PCDHGB3: variants seen among roughly 807,000 people sequenced by gnomAD.
PCDHGB3 encodes the protein protocadherin gamma-B3.
Under a neutral mutation model 59.2 loss-of-function variants are expected in PCDHGB3, and 40 were observed. The ratio of observed to expected loss-of-function variants is 0.68; its 90% CI spans 0.52 to 0.88. PCDHGB3 has a LOEUF of 0.88. PCDHGB3 is among the 40% of genes least tolerant of loss of function. The pLI is 0.00. For synonymous variants in PCDHGB3, 581 were observed against 503.6 expected, an observed-to-expected ratio of 1.15 and a Z score of -2.06; for missense variants, 1,309 against 1,187.9, an observed-to-expected ratio of 1.10 and a Z score of -1.50.
Position 141,491,166 on chromosome 5 carries a change from G to A in PCDHGB3, c.2416-3641G>A. 1 of 1,614,150 alleles carries A rather than the reference G, an allele frequency of 6.2e-7. No individual in the cohort carries two copies. The highest frequency in any genetic ancestry group is 8.5e-7 in the Non-Finnish European group (1 of 1,179,964). ...TACTGGAGGATGACTCTGACACCCA[G>A]CAGGTGGTGGTCCTGGTGAGGGACA... On this transcript the variant is annotated intron_variant, in intron 1 of 3. Transcript: ENST00000576222. The surrounding 1 kb of genome is among the most constrained non-coding windows in gnomAD (Gnocchi z 6.9).
Position 141,476,538 on chromosome 5 carries a change from A to G in PCDHGB3, c.2416-18269A>G, listed in dbSNP as rs2099393283. ...CCTGCTTTCCCTACCCAGGAAATGAAATTGGAGATTAGCGAGGCCGTGGCT... is the reference window on the plus strand; with the variant it reads ...CCTGCTTTCCCTACCCAGGAAATGAGATTGGAGATTAGCGAGGCCGTGGCT... On this transcript the variant is annotated intron_variant, in intron 1 of 3. Coordinates refer to ENST00000576222, the MANE Select transcript of PCDHGB3 (RefSeq NM_018924.5). The surrounding 1 kb of genome is among the most constrained non-coding windows in gnomAD (Gnocchi z 7.6). 1.2e-6 allele frequency: 2 copies of G among 1,614,162 alleles called. No homozygotes were observed. Among genetic ancestry groups the G allele is most frequent in the Non-Finnish European group, 1.7e-6 (2 of 1,180,042 alleles).
At chr5:141,419,159 T>G in intron 1 of PCDHGB3, 1 of 1,613,916 alleles carries the variant, frequency 6.2e-7, no homozygotes, top group Non-Finnish European at 8.5e-7. Flanking sequence ...TCCGTTATCC[T>G]CCAGCAAAAC....
rs1472806327 is a variant in PCDHGB3 at position 141,447,891 on chromosome 5, G to C, written c.2416-46916G>C. Among the ~76,000 whole-genome samples the C allele has an allele frequency of 1.3e-5, 2 of 152,080 alleles. 1 individual carries two copies. Among genetic ancestry groups the C allele is most frequent in the African/African-American group, 4.8e-5 (2 of 41,408 alleles). On this transcript the variant is annotated intron_variant, in intron 1 of 3. Coordinates refer to ENST00000576222, the MANE Select transcript of PCDHGB3 (RefSeq NM_018924.5). Reference sequence around the variant, plus strand: ...ATCTGAGGTCAGGAGTTCGAGACCAGCCTGGCCAACATGGTGAAACTCTGT... The same window carrying C: ...ATCTGAGGTCAGGAGTTCGAGACCACCCTGGCCAACATGGTGAAACTCTGT...
chr5:141,492,616 G>A (rs976681246), intron 1 of PCDHGB3, among the ~76,000 whole-genome samples: 1 of 152,252 alleles, frequency 6.6e-6, no homozygotes. Flanking sequence ...CTAAGTGCCG[G>A]GCGGGCAGGA....
chr5:141,434,277 A>G (rs760937958), intron 1 of PCDHGB3, among the ~76,000 whole-genome samples: 4 of 152,172 alleles, frequency 2.6e-5, no homozygotes, highest in Non-Finnish European at 4.4e-5. Flanking sequence ...AATTAGAGGT[A>G]TTCTCTGTTT....
chr5:141,392,892 G>C, intron 1 of PCDHGB3: 1 of 1,613,702 alleles, frequency 6.2e-7, no homozygotes, highest in East Asian at 2.2e-5. Flanking sequence ...GTGGGAAATC[G>C]GGAGGGGACA....
chr5:141,429,592 T>C (rs2097226711), intron 1 of PCDHGB3, among the ~76,000 whole-genome samples: 1 of 152,234 alleles, frequency 6.6e-6, no homozygotes, highest in Non-Finnish European at 1.5e-5. Flanking sequence ...ATTCTTGTAA[T>C]TCAAGTAAAC....
rs145718404 is a variant in PCDHGB3 at position 141,404,928 on chromosome 5, C to T, written c.2415+32119C>T. On this transcript the variant is annotated intron_variant, in intron 1 of 3. Transcript: ENST00000576222. ...CAGCCCCCTCTCTCGGCCACTGTCA[C>T]GCTCACAGTAGCCATAGCTGACAGC... The T allele has an allele frequency of 1.6e-4, 263 of 1,613,866 alleles. 1 individual carries two copies. In the African/African-American group the frequency reaches 2.2e-3, roughly 13 times the overall value.
At position 141,389,700 on chromosome 5, in the gene PCDHGB3, G is replaced by A. The variant is rs534784537; in HGVS notation, c.2415+16891G>A. On this transcript the variant is annotated intron_variant, in intron 1 of 3. Coordinates refer to ENST00000576222, the MANE Select transcript of PCDHGB3 (RefSeq NM_018924.5). ...ACACAACGCCTGGCTGTCCTACCAC[G>A]TGCTGCAGGCTAGCGAGCCCGGGCT... 11 of 1,612,578 alleles carry A rather than the reference G, an allele frequency of 6.8e-6. No homozygotes were observed. The South Asian group carries it at 1.1e-4, about 16-fold the overall frequency.
chr5:141,429,573 T>G (rs1026656206), intron 1 of PCDHGB3, among the ~76,000 whole-genome samples: 3 of 152,206 alleles, frequency 2.0e-5, no homozygotes, highest in Non-Finnish European at 4.4e-5. Context: ...TCAGTTACAT[T>G]TACTTTTGAT....
rs143317584 is a variant in PCDHGB3 at position 141,432,282 on chromosome 5, A to G, written c.2415+59473A>G. 5.0e-5 allele frequency: 81 copies of G among 1,613,850 alleles called. No homozygotes were observed. The African/African-American group carries it at 6.4e-4, about 13-fold the overall frequency. ...AGCCTATCGTCCTACGTGTCCATCAACTCCGACACTGGGGTACTGTATGCG... is the reference window on the plus strand; with the variant it reads ...AGCCTATCGTCCTACGTGTCCATCAGCTCCGACACTGGGGTACTGTATGCG... On this transcript the variant is annotated intron_variant, in intron 1 of 3. Transcript: ENST00000576222. This position sits in a 1 kb window ranked among gnomAD's most constrained non-coding sequence, Gnocchi z 6.0.
chr5:141,482,135 G>T (rs987110875), intron 1 of PCDHGB3, among the ~76,000 whole-genome samples: 1 of 151,836 alleles, frequency 6.6e-6, no homozygotes, highest in African/African-American at 2.4e-5. Context: ...CATATGGCTG[G>T]CATAAAAAGG....
At position 141,476,901 on chromosome 5, in the gene PCDHGB3, G is replaced by C; in HGVS notation, c.2416-17906G>C. On this transcript the variant is annotated intron_variant, in intron 1 of 3. Coordinates refer to ENST00000576222, the MANE Select transcript of PCDHGB3 (RefSeq NM_018924.5). The surrounding 1 kb of genome is among the most constrained non-coding windows in gnomAD (Gnocchi z 7.6). ...CTGGAGGATGCACCCTCCGGCACGC[G>C]CGTGGTACAAGTCCTTGCAACGGAT... The C allele has an allele frequency of 1.2e-6, 2 of 1,613,900 alleles. No homozygotes were observed. Among genetic ancestry groups the C allele is most frequent in the Non-Finnish European group, 1.7e-6 (2 of 1,180,034 alleles).
In PCDHGB3 at chr5:141,489,327, G is replaced by A; in HGVS notation, c.2416-5480G>A. The A allele has an allele frequency of 6.2e-7, 1 of 1,603,940 alleles. No individual in the cohort carries two copies. Among genetic ancestry groups the A allele is most frequent in the South Asian group, 1.1e-5 (1 of 89,400 alleles). ...TGTGCTGCTGGGGCTGGGTGTCTGG[G>A]CAGCTTCGTTACTCAGTGGTGGAGG... is the stretch of plus-strand genomic sequence containing the variant. On this transcript the variant is annotated intron_variant, in intron 1 of 3. Transcript: ENST00000576222. This position sits in a 1 kb window ranked among gnomAD's most constrained non-coding sequence, Gnocchi z 4.5.
chr5:141,480,457 G>GT (rs1309116577), intron 1 of PCDHGB3, among the ~76,000 whole-genome samples: 4 of 152,060 alleles, frequency 2.6e-5, no homozygotes, highest in Non-Finnish European at 5.9e-5. Flanking sequence ...ATTTTTATTA[G>GT]TTCCTCACTC....
chr5:141,452,010 G>A (rs955708033), intron 1 of PCDHGB3, among the ~76,000 whole-genome samples: 1 of 152,192 alleles, frequency 6.6e-6, no homozygotes, highest in African/African-American at 2.4e-5. Context: ...ACTTGGTCCA[G>A]CCCACACTCT....
chr5:141,370,997 C>A lies in PCDHGB3; in HGVS notation c.603C>A (p.Asp201Glu), dbSNP rs1449241372. ...YPELVLKAPL[D>E]REEQPHHHLV... ...AGCTAGTACTGAAAGCACCCCTGGACAGGGAAGAGCAGCCACATCACCACC... is the reference window on the plus strand; with the variant it reads ...AGCTAGTACTGAAAGCACCCCTGGAAAGGGAAGAGCAGCCACATCACCACC... Residue 201 changes from aspartate (D) to glutamate (E), a missense_variant, in exon 1 of 4, where the codon GAC becomes GAA. Transcript: ENST00000576222. 1 of 1,613,866 alleles carries A rather than the reference C, an allele frequency of 6.2e-7. No individual in the cohort carries two copies. The highest frequency in any genetic ancestry group is 8.5e-7 in the Non-Finnish European group (1 of 1,179,908).
chr5:141,422,447 C>G, intron 1 of PCDHGB3: 2 of 1,610,922 alleles, frequency 1.2e-6, no homozygotes, highest in Non-Finnish European at 1.7e-6. Flanking sequence ...AAATTGATAA[C>G]AAGCAGAGTG....
chr5:141,422,996 C>G lies in PCDHGB3; in HGVS notation c.2415+50187C>G. 1.2e-6 allele frequency: 2 copies of G among 1,614,224 alleles called. No homozygotes were observed. The highest frequency in any genetic ancestry group is 1.7e-6 in the Non-Finnish European group (2 of 1,180,046). On this transcript the variant is annotated intron_variant, in intron 1 of 3. Coordinates refer to ENST00000576222, the MANE Select transcript of PCDHGB3 (RefSeq NM_018924.5). ...TCTGCGGAACCTGGCTACCTGGTGA[C>G]CAAGGTGGTTGCGGTGGACAAAGAT...
Sources: gnomAD v4.1 joint callset for allele counts (sites outside exome capture counted in the v4.1 genomes callset) on GRCh38, gnomAD v4.1.1 for gene constraint, Gnocchi (gnomAD v3.1) non-coding constraint, MANE v1.5 for transcripts, NCBI Gene and HGNC (gene_info 2026-07-23, HGNC 2026-07-21) for gene names.